The following OR52E2 variants were observed in gnomAD, a reference collection of about 807,000 sequenced individuals.
OR52E2 encodes the protein olfactory receptor 52E2.
For missense variants in OR52E2, 443 were observed against 403.9 expected (o/e 1.10, Z -0.83); for synonymous variants, 130 against 143.9 (o/e 0.90, Z 0.69).
rs780415265 is a variant in OR52E2, at chr11:5,059,128, C to T, written c.500G>A (p.Arg167Gln). 1.3e-5 allele frequency: 21 copies of T among 1,613,244 alleles called. No individual in the cohort carries two copies. Among genetic ancestry groups the T allele is most frequent in the Admixed American group, 1.2e-4 (7 of 59,840 alleles). The change falls in exon 1 of 1, where the codon CGG becomes CAG. Residue 167 changes from arginine (R) to glutamine (Q), a missense_variant. Coordinates refer to ENST00000321522, the MANE Select transcript of OR52E2 (RefSeq NM_001005164.2). The part of the protein sequence containing the change: ...FVIPSILLIL[R>Q]LPFCGNHVIP... The stretch of plus-strand genomic sequence containing the variant: ...TACATGATTCCCACAGAAGGGCAAC[C>T]GCAATATAAGAAGTATAGAGGGAAT...
rs773833465 is a variant in OR52E2, at chr11:5,059,600, G to A, written c.28C>T (p.His10Tyr). MFLPNDTQF[H>Y]PSSFLLLGIP... ...CCCAGCAACAGGAAGGAGGAGGGGT[G>A]AAACTGGGTGTCATTGGGAAGGAAC... Residue 10 changes from histidine (H) to tyrosine (Y), a missense_variant, in exon 1 of 1, where the codon CAC becomes TAC. His to Tyr is a moderately conservative substitution (Grantham distance 83). Transcript: ENST00000321522. The A allele has an allele frequency of 1.4e-5, 22 of 1,606,366 alleles. No individual in the cohort carries two copies. The South Asian group carries it at 2.2e-4, about 16-fold the overall frequency.
rs1354829794 is a variant in OR52E2, at chr11:5,059,020, C to G, written c.608G>C (p.Cys203Ser). Residue 203 changes from cysteine to serine, a missense_variant, in exon 1 of 1, where the codon TGT (cysteine) becomes TCT (serine). Cys to Ser is a moderately radical substitution (Grantham distance 112). Transcript: ENST00000321522. Reference sequence around the variant, plus strand: ...GTCAAACACTAGATTACAAATGGCACATAAACCATAAATAATATTGATTTT... The same window carrying G: ...GTCAAACACTAGATTACAAATGGCAGATAAACCATAAATAATATTGATTTT... Reference protein sequence around the residue: ...SIKINIIYGLCAICNLVFDIT... With the variant: ...SIKINIIYGLSAICNLVFDIT... The G allele has an allele frequency of 6.2e-7, 1 of 1,613,824 alleles. No individual in the cohort carries two copies. The highest frequency in any genetic ancestry group is 1.7e-5 in the Admixed American group (1 of 59,964).
chr11:5,059,349 C>T lies in OR52E2; in HGVS notation c.279G>A (p.Gly93=), dbSNP rs1847689069. 6.2e-7 allele frequency: 1 copy of T among 1,613,548 alleles called. No individual in the cohort carries two copies. Among genetic ancestry groups the T allele is most frequent in the Non-Finnish European group, 8.5e-7 (1 of 1,179,806 alleles). ...MLGIFWINLR[G]IIFEACLTQM... is the part of the protein sequence containing the mutation. Reference sequence around the variant, plus strand: ...GGGTGAGGCAGGCTTCAAAGATGATCCCTCTGAGGTTGATCCAGAAGATTC... The same window carrying T: ...GGGTGAGGCAGGCTTCAAAGATGATTCCTCTGAGGTTGATCCAGAAGATTC... Residue 93 remains glycine (G), a synonymous_variant, in exon 1 of 1, where the codon GGG becomes GGA. Transcript: ENST00000321522.
Position 5,059,074 on chromosome 11 carries a change from C to T in OR52E2, c.554G>A (p.Gly185Asp). The T allele has an allele frequency of 6.2e-7, 1 of 1,612,962 alleles. No individual in the cohort carries two copies. Among genetic ancestry groups the T allele is most frequent in the Non-Finnish European group, 8.5e-7 (1 of 1,179,502 alleles). Residue 185 changes from glycine (G) to aspartate (D), a missense_variant, in exon 1 of 1, where the codon GGT (glycine) becomes GAT (aspartate). Gly to Asp is a moderately conservative substitution (Grantham distance 94). Coordinates refer to ENST00000321522, the MANE Select transcript of OR52E2 (RefSeq NM_001005164.2). ...GCTGGCACAAGATAGATGAGCAAGA[C>T]CCATGTGCTCACAGTAGGTGTGGGG... The part of the protein sequence containing the change: ...VIPHTYCEHM[G>D]LAHLSCASIK...
Position 5,059,169 on chromosome 11 carries a change from C to G in OR52E2, c.459G>C (p.Arg153Ser). 1 of 1,613,604 alleles carries G rather than the reference C, an allele frequency of 6.2e-7. No individual in the cohort carries two copies. The highest frequency in any genetic ancestry group is 8.5e-7 in the Non-Finnish European group (1 of 1,179,854). ...TAGAGGGAATGACGAAAATTAAAGC[C>G]CTCACAAACACACCAAGACCAATCA... is the stretch of plus-strand genomic sequence containing the variant. Reference protein sequence around the residue: ...VSVIGLGVFVRALIFVIPSIL... With the variant: ...VSVIGLGVFVSALIFVIPSIL... The change falls in exon 1 of 1, where the codon AGG becomes AGC. Residue 153 changes from arginine to serine, a missense_variant. By Grantham distance (110) the Arg-to-Ser change is moderately radical. Coordinates refer to ENST00000321522, the MANE Select transcript of OR52E2 (RefSeq NM_001005164.2).
rs1035870303 is a variant in OR52E2 at position 5,059,397 on chromosome 11, T to C, written c.231A>G (p.Thr77=). 10 of 1,613,786 alleles carry C rather than the reference T, an allele frequency of 6.2e-6. No homozygotes were observed. Among genetic ancestry groups the C allele is most frequent in the Middle Eastern group, 1.7e-4 (1 of 6,058 alleles). Residue 77 remains threonine, a synonymous_variant, in exon 1 of 1, where the codon ACA becomes ACG. Transcript: ENST00000321522. ...MLATTDVGLS[T]ATIPKMLGIF... ...TTCCAAGCATCTTAGGGATGGTAGC[T>C]GTTGAGAGACCCACATCAGTGGTGG...
Position 5,058,984 on chromosome 11 carries a change from A to G in OR52E2, c.644T>C (p.Ile215Thr), listed in dbSNP as rs1847682545. The change falls in exon 1 of 1, where the codon ATT (isoleucine) becomes ACT (threonine). Residue 215 changes from isoleucine (I) to threonine (T), a missense_variant. Transcript: ENST00000321522. Reference protein sequence around the residue: ...ICNLVFDITVIALSYVHILCA... With the variant: ...ICNLVFDITVTALSYVHILCA... ...AAGAATATGCACATAAGAAAGGGCA[A>G]TGACTGTGATGTCAAACACTAGATT... 6.2e-7 allele frequency: 1 copy of G among 1,613,204 alleles called. No homozygotes were observed. Among genetic ancestry groups the G allele is most frequent in the African/African-American group, 1.3e-5 (1 of 74,868 alleles).
rs200790196 is a variant in OR52E2, at chr11:5,058,816, C to T, written c.812G>A (p.Arg271His). 51 of 1,586,248 alleles carry T rather than the reference C, an allele frequency of 3.2e-5. 1 individual carries two copies. The highest frequency in any genetic ancestry group is 6.9e-5 in the South Asian group (6 of 86,632). Residue 271 changes from arginine (R) to histidine (H), a missense_variant, in exon 1 of 1, where the codon CGC (arginine) becomes CAC (histidine). By Grantham distance (29) the Arg-to-His change is conservative. Transcript: ENST00000321522. The part of the protein sequence containing the change: ...MTHRFGRNVP[R>H]YIHILLANLY... ...ATTGGCTAGGAGTATATGGATATAGCGGGGCACATTTCGGCCAAAGCGATG... is the reference window on the plus strand; with the variant it reads ...ATTGGCTAGGAGTATATGGATATAGTGGGGCACATTTCGGCCAAAGCGATG...
rs765845820 is a variant in OR52E2, at chr11:5,059,505, G to A, written c.123C>T (p.Leu41=). The change falls in exon 1 of 1, where the codon CTC becomes CTT. Residue 41 remains leucine (L), a synonymous_variant. Coordinates refer to ENST00000321522, the MANE Select transcript of OR52E2 (RefSeq NM_001005164.2). ...CAAGTAGAATAGTGAAGTTCCCTAT[G>A]AGTGCGATCATGTACACAGCACAGA... ...FPFCAVYMIA[L]IGNFTILLVI... 5.6e-6 allele frequency: 9 copies of A among 1,613,984 alleles called. No individual in the cohort carries two copies. The highest frequency in any genetic ancestry group is 1.3e-5 in the African/African-American group (1 of 75,028).
In OR52E2 at chr11:5,059,195, C is replaced by T. The variant is rs1408822078; in HGVS notation, c.433G>A (p.Val145Met). ...SAILTNKVVS[V>M]IGLGVFVRAL... is the part of the protein sequence containing the mutation. ...CTCACAAACACACCAAGACCAATCA[C>T]AGAAACAACCTTGTTGGTGAGGATG... The change falls in exon 1 of 1, where the codon GTG becomes ATG. Residue 145 changes from valine to methionine, a missense_variant. By Grantham distance (21) the Val-to-Met change is conservative. Coordinates refer to ENST00000321522, the MANE Select transcript of OR52E2 (RefSeq NM_001005164.2). The T allele has an allele frequency of 6.2e-7, 1 of 1,613,692 alleles. No homozygotes were observed. Among genetic ancestry groups the T allele is most frequent in the East Asian group, 2.2e-5 (1 of 44,794 alleles).
At position 5,059,365 on chromosome 11, in the gene OR52E2, C is replaced by G; in HGVS notation, c.263G>C (p.Trp88Ser). The G allele has an allele frequency of 1.9e-6, 3 of 1,613,612 alleles. No homozygotes were observed. Among genetic ancestry groups the G allele is most frequent in the Non-Finnish European group, 2.5e-6 (3 of 1,179,850 alleles). ...ATIPKMLGIF[W>S]INLRGIIFEA... ...AAAGATGATCCCTCTGAGGTTGATCCAGAAGATTCCAAGCATCTTAGGGAT... is the reference window on the plus strand; with the variant it reads ...AAAGATGATCCCTCTGAGGTTGATCGAGAAGATTCCAAGCATCTTAGGGAT... The change falls in exon 1 of 1, where the codon TGG (tryptophan) becomes TCG (serine). Residue 88 changes from tryptophan (W) to serine (S), a missense_variant. Physicochemically the swap from Trp to Ser is radical, Grantham distance 177. Coordinates refer to ENST00000321522, the MANE Select transcript of OR52E2 (RefSeq NM_001005164.2).
In OR52E2 at chr11:5,059,091, G is replaced by C. The variant is rs1016097226; in HGVS notation, c.537C>G (p.Thr179=). 1.2e-6 allele frequency: 2 copies of C among 1,613,136 alleles called. No individual in the cohort carries two copies. The highest frequency in any genetic ancestry group is 1.7e-6 in the Non-Finnish European group (2 of 1,179,626). ...PFCGNHVIPH[T]YCEHMGLAHL... ...GAGCAAGACCCATGTGCTCACAGTA[G>C]GTGTGGGGAATTACATGATTCCCAC... Residue 179 remains threonine, a synonymous_variant, in exon 1 of 1, where the codon ACC becomes ACG. Transcript: ENST00000321522.
chr11:5,059,521 A>T lies in OR52E2; in HGVS notation c.107T>A (p.Val36Glu). ...GTTCCCTATGAGTGCGATCATGTAC[A>T]CAGCACAGAAGGGAAAGCCGATCCA... ...HIWIGFPFCAVYMIALIGNFT... is the reference protein window; with the variant it reads ...HIWIGFPFCAEYMIALIGNFT... The change falls in exon 1 of 1, where the codon GTG becomes GAG. Residue 36 changes from valine to glutamate, a missense_variant. Transcript: ENST00000321522. The T allele has an allele frequency of 6.2e-7, 1 of 1,613,990 alleles. No homozygotes were observed.
In OR52E2 at chr11:5,058,955, C is replaced by T. The variant is rs1328992113; in HGVS notation, c.673G>A (p.Ala225Thr). The T allele has an allele frequency of 3.7e-6, 6 of 1,609,150 alleles. No individual in the cohort carries two copies. Among genetic ancestry groups the T allele is most frequent in the Non-Finnish European group, 5.1e-6 (6 of 1,177,816 alleles). Residue 225 changes from alanine (A) to threonine (T), a missense_variant, in exon 1 of 1, where the codon GCT becomes ACT. Transcript: ENST00000321522. Reference sequence around the variant, plus strand: ...TCATGAGTAGGAAGACGGAAAACAGCACAAAGAATATGCACATAAGAAAGG... The same window carrying T: ...TCATGAGTAGGAAGACGGAAAACAGTACAAAGAATATGCACATAAGAAAGG... ...IALSYVHILC[A>T]VFRLPTHEAR...
Position 5,059,512 on chromosome 11 carries a change from A to C in OR52E2, c.116T>G (p.Ile39Ser). Residue 39 changes from isoleucine to serine, a missense_variant, in exon 1 of 1, where the codon ATC becomes AGC. Physicochemically the swap from Ile to Ser is moderately radical, Grantham distance 142. Coordinates refer to ENST00000321522, the MANE Select transcript of OR52E2 (RefSeq NM_001005164.2). ...IGFPFCAVYM[I>S]ALIGNFTILL... Reference sequence around the variant, plus strand: ...AATAGTGAAGTTCCCTATGAGTGCGATCATGTACACAGCACAGAAGGGAAA... The same window carrying C: ...AATAGTGAAGTTCCCTATGAGTGCGCTCATGTACACAGCACAGAAGGGAAA... 1 of 1,613,990 alleles carries C rather than the reference A, an allele frequency of 6.2e-7. No homozygotes were observed. The highest frequency in any genetic ancestry group is 8.5e-7 in the Non-Finnish European group (1 of 1,179,942).
Position 5,059,168 on chromosome 11 carries a change from C to A in OR52E2, c.460G>T (p.Ala154Ser). 3 of 1,613,564 alleles carry A rather than the reference C, an allele frequency of 1.9e-6. No homozygotes were observed. Among genetic ancestry groups the A allele is most frequent in the Non-Finnish European group, 2.5e-6 (3 of 1,179,836 alleles). ...SVIGLGVFVR[A>S]LIFVIPSILL... The stretch of plus-strand genomic sequence containing the variant: ...ATAGAGGGAATGACGAAAATTAAAG[C>A]CCTCACAAACACACCAAGACCAATC... The change falls in exon 1 of 1, where the codon GCT becomes TCT. Residue 154 changes from alanine (A) to serine (S), a missense_variant. Coordinates refer to ENST00000321522, the MANE Select transcript of OR52E2 (RefSeq NM_001005164.2).
rs1291838157 is a variant in OR52E2 at position 5,059,267 on chromosome 11, C to T, written c.361G>A (p.Ala121Thr). ...LMESAVLVAM[A>T]YDSYVAICNP... The stretch of plus-strand genomic sequence containing the variant: ...CAGATGGCCACATAGCTGTCATAAG[C>T]CATTGCCACAAGGACTGCTGACTCC... The change falls in exon 1 of 1, where the codon GCT becomes ACT. Residue 121 changes from alanine (A) to threonine (T), a missense_variant. By Grantham distance (58) the Ala-to-Thr change is moderately conservative (BLOSUM62 0). Transcript: ENST00000321522. 7 of 1,613,578 alleles carry T rather than the reference C, an allele frequency of 4.3e-6. No individual in the cohort carries two copies. Among genetic ancestry groups the T allele is most frequent in the Non-Finnish European group, 5.9e-6 (7 of 1,179,846 alleles).
rs766033852 is a variant in OR52E2 at position 5,058,961 on chromosome 11, G to T, written c.667C>A (p.Leu223Ile). The T allele has an allele frequency of 4.3e-6, 7 of 1,611,178 alleles. No individual in the cohort carries two copies. The highest frequency in any genetic ancestry group is 3.3e-5 in the South Asian group (3 of 90,560). ...TVIALSYVHI[L>I]CAVFRLPTHE... ...GTAGGAAGACGGAAAACAGCACAAA[G>T]AATATGCACATAAGAAAGGGCAATG... The change falls in exon 1 of 1, where the codon CTT becomes ATT. Residue 223 changes from leucine (L) to isoleucine (I), a missense_variant. By Grantham distance (5) the Leu-to-Ile change is conservative (BLOSUM62 2). Transcript: ENST00000321522.
chr11:5,059,521 A>G lies in OR52E2; in HGVS notation c.107T>C (p.Val36Ala). The G allele has an allele frequency of 1.2e-6, 2 of 1,613,990 alleles. No individual in the cohort carries two copies. The highest frequency in any genetic ancestry group is 1.7e-6 in the Non-Finnish European group (2 of 1,179,946). ...HIWIGFPFCA[V>A]YMIALIGNFT... is the part of the protein sequence containing the mutation. The stretch of plus-strand genomic sequence containing the variant: ...GTTCCCTATGAGTGCGATCATGTAC[A>G]CAGCACAGAAGGGAAAGCCGATCCA... The change falls in exon 1 of 1, where the codon GTG becomes GCG. Residue 36 changes from valine to alanine, a missense_variant. Physicochemically the swap from Val to Ala is moderately conservative, Grantham distance 64. Transcript: ENST00000321522.
Sources: gnomAD v4.1 joint callset for allele counts on GRCh38, gnomAD v4.1.1 for gene constraint, MANE v1.5 for transcripts, NCBI Gene and HGNC (gene_info 2026-07-23, HGNC 2026-07-21) for gene names.